The following RORA variants were observed in gnomAD, a reference collection of about 807,000 sequenced individuals.
RORA encodes the protein nuclear receptor ROR-alpha.
Under a neutral mutation model 69.5 loss-of-function variants are expected in RORA, and 7 were observed. The observed-to-expected ratio is 0.10, with a 90% confidence interval of 0.06 to 0.19. RORA has a LOEUF of 0.19. RORA is among the 10% of genes least tolerant of loss of function. The probability of loss-of-function intolerance (pLI) is 1.00; values close to 1 mark genes in which losing one functional copy is unlikely to be tolerated. For missense variants in RORA, 457 were observed against 663.0 expected, an observed-to-expected ratio of 0.69 and a Z score of 3.41; for synonymous variants, 261 against 240.8, an observed-to-expected ratio of 1.08 and a Z score of -0.78.
chr15:60,996,071 GTTTTTTTTT>G (rs35698487), intron 1 of RORA, among the ~76,000 whole-genome samples: 28,332 of 135,248 alleles, frequency 0.21, 3,000 homozygotes, highest in East Asian at 0.4. Flanking sequence ...CTTGTTTTTT[GTTTTTTTTT>G]TTTTTTTTGA....
chr15:61,228,888 G>C (rs1277722927), intron 1 of RORA, among the ~76,000 whole-genome samples, 165 bp downstream of exon 1: 2 of 150,056 alleles, frequency 1.3e-5, no homozygotes, highest in Non-Finnish European at 3.0e-5. Flanking sequence ...CAACATTTCT[G>C]GGGGGCGGAG....
At chr15:61,171,262 G>A (rs552718794) in intron 1 of RORA, among the ~76,000 whole-genome samples, 8 of 152,100 alleles carry the variant, frequency 5.3e-5, no homozygotes, top group Non-Finnish European at 1.0e-4. Context: ...GCACACGGTG[G>A]GTGGGCTATG....
At chr15:61,076,295 G>A (rs2078448573) in intron 1 of RORA, among the ~76,000 whole-genome samples, 1 of 151,852 alleles carries the variant, frequency 6.6e-6, no homozygotes, top group Admixed American at 6.6e-5. Context: ...CACACTCGGC[G>A]ATCCACCAAC....
intron 1 of RORA, among the ~76,000 whole-genome samples, chr15:60,867,400 TCAGAA>T (rs2073502178): frequency 6.6e-6 from 1 of 152,134 alleles, no homozygotes; most frequent in Non-Finnish European, 1.5e-5. Context: ...GTAGATAGTG[TCAGAA>T]TTGAGTTTAA....
intron 1 of RORA, among the ~76,000 whole-genome samples, chr15:60,734,216 C>T (rs969749872): frequency 1.3e-5 from 2 of 152,272 alleles, no homozygotes; most frequent in South Asian, 2.1e-4. Flanking sequence ...GAGCCAACAG[C>T]ATCAGCATCA....
chr15:61,202,392 T>G (rs1262769509), intron 1 of RORA, among the ~76,000 whole-genome samples: 1 of 152,164 alleles, frequency 6.6e-6, no homozygotes, highest in Non-Finnish European at 1.5e-5. Flanking sequence ...AGGTTTAAAT[T>G]CAGTAGGTCT....
intron 1 of RORA, among the ~76,000 whole-genome samples, chr15:60,968,232 C>T (rs529085895): frequency 5.9e-5 from 9 of 152,262 alleles, no homozygotes; most frequent in African/African-American, 2.2e-4. Flanking sequence ...GGACTGGAAA[C>T]CTGCTGAGCT....
chr15:60,890,900 C>T (rs898492693), intron 1 of RORA, among the ~76,000 whole-genome samples: 10 of 152,216 alleles, frequency 6.6e-5, no homozygotes, highest in Non-Finnish European at 1.3e-4. Flanking sequence ...AGTGCTCTCT[C>T]TGAAGTGCCC....
chr15:60,572,392 G>T (rs374629259), intron 2 of RORA, among the ~76,000 whole-genome samples: 22 of 152,164 alleles, frequency 1.4e-4, no homozygotes, highest in African/African-American at 5.3e-4. Context: ...CTAAACACTT[G>T]AATGCTCTGG....
chr15:61,013,248 A>G (rs1399371078), intron 1 of RORA, among the ~76,000 whole-genome samples: 1 of 152,246 alleles, frequency 6.6e-6, no homozygotes, highest in African/African-American at 2.4e-5. Context: ...AGCTCGTCAC[A>G]TCTTCTTGTA....
At chr15:61,132,881 T>G (rs2079203733) in intron 1 of RORA, among the ~76,000 whole-genome samples, 2 of 152,206 alleles carry the variant, frequency 1.3e-5, no homozygotes, top group Non-Finnish European at 2.9e-5. Context: ...GTTGACACTT[T>G]TATAAATATA....
chr15:60,935,304 T>C (rs535142500), intron 1 of RORA, among the ~76,000 whole-genome samples: 3 of 152,362 alleles, frequency 2.0e-5, no homozygotes, highest in Non-Finnish European at 2.9e-5. Context: ...AAGCCAGAGT[T>C]AATCCTTCAC....
intron 10 of RORA, among the ~76,000 whole-genome samples, chr15:60,497,839 G>A (rs1347302131): frequency 6.6e-6 from 1 of 151,968 alleles, no homozygotes; most frequent in Non-Finnish European, 1.5e-5. Flanking sequence ...CGGTTGGATT[G>A]CCTGAGCTCA....
chr15:60,898,523 AT>A (rs1891294361), intron 1 of RORA, among the ~76,000 whole-genome samples: 1 of 131,038 alleles, frequency 7.6e-6, no homozygotes, highest in Non-Finnish European at 1.8e-5. Flanking sequence ...AAATAAATAA[AT>A]AAATAAATAA....
intron 1 of RORA, among the ~76,000 whole-genome samples, chr15:60,780,055 T>C (rs561833101): frequency 1.1e-4 from 16 of 152,138 alleles, no homozygotes; most frequent in Non-Finnish European, 1.8e-4. Flanking sequence ...ACATGTGACA[T>C]GTGTCTGTTA....
At chr15:60,608,725 T>C (rs564443902) in intron 2 of RORA, among the ~76,000 whole-genome samples, 1 of 152,338 alleles carries the variant, frequency 6.6e-6, no homozygotes, top group African/African-American at 2.4e-5. Flanking sequence ...TCTTTCTTTC[T>C]GTTCATACAC....
intron 10 of RORA, among the ~76,000 whole-genome samples, chr15:60,498,948 A>C (rs560529451): frequency 6.6e-6 from 1 of 152,320 alleles, no homozygotes; most frequent in Non-Finnish European, 1.5e-5. Flanking sequence ...ACATAAAATA[A>C]GAAAGAACAG....
intron 1 of RORA, among the ~76,000 whole-genome samples, chr15:61,060,037 GA>G (rs2078159614): frequency 1.4e-5 from 2 of 143,284 alleles, no homozygotes; most frequent in African/African-American, 5.2e-5. Context: ...AGAAGAAGAA[GA>G]AGAAGAAGAA....
In RORA at chr15:60,621,919, G is replaced by C. The variant is rs551963081; in HGVS notation, c.196+56738C>G. 8.4e-4 allele frequency among the ~76,000 whole-genome samples: 128 copies of C among 152,134 alleles called. 1 individual carries two copies. The highest frequency in any genetic ancestry group is 3.4e-3 in the Middle Eastern group (1 of 292). ...AAAAATTAGCCGGGCGTGGTGGCAG[G>C]CACCTGTAATCCCAGCTACTCAGGA... On this transcript the variant is annotated intron_variant, in intron 2 of 10. Transcript: ENST00000335670.
Sources: allele counts gnomAD v4.1 joint callset (sites outside exome capture counted in the v4.1 genomes callset), GRCh38; gene constraint gnomAD v4.1.1; transcripts MANE v1.5; gene names NCBI Gene and HGNC (gene_info 2026-07-23, HGNC 2026-07-21).